Variants in EXTL3 observed in about 807,000 individuals in gnomAD.
EXTL3 encodes exostosin like glycosyltransferase 3.
A neutral mutation model predicts 69.3 loss-of-function variants in EXTL3; 27 were observed. That is an observed-to-expected ratio of 0.39 (90% CI 0.29 to 0.54). The LOEUF (loss-of-function observed/expected upper bound fraction) is 0.54. Among genes scored for constraint, EXTL3 ranks in the 20% least tolerant of loss-of-function variants. EXTL3 has a pLI of 0.69. For synonymous variants in EXTL3, 511 were observed against 499.4 expected, an observed-to-expected ratio of 1.02 and a Z score of -0.31; for missense variants, 1,003 against 1,231.8, an observed-to-expected ratio of 0.81 and a Z score of 2.78.
upstream of EXTL3, chr8:28,701,072 C>T (rs140341248): frequency 1.3e-5 from 2 of 152,408 alleles, no homozygotes; most frequent in East Asian, 1.9e-4. Context: ...AGGCAGTTGC[C>T]GCGCACGGCG....
chr8:28,731,042 AT>A (rs1801525299), intron 3 of EXTL3, among the ~76,000 whole-genome samples, 180 bp from the exon 4 acceptor site: 1 of 152,220 alleles, frequency 6.6e-6, no homozygotes, highest in Non-Finnish European at 1.5e-5. Flanking sequence ...ATCTATATAC[AT>A]TTATTGAAGT....
chr8:28,750,604 GT>G lies in EXTL3; in HGVS notation c.2551-51del. The stretch of plus-strand genomic sequence containing the variant: ...GTGTGGGATCGGCTCAGCTGCAAGG[GT>G]TCTGTCAGTATTAGCTGGGATTCCC... On this transcript the variant is annotated intron_variant, in intron 6 of 6. Coordinates refer to ENST00000220562, the MANE Select transcript of EXTL3 (RefSeq NM_001440.4). This position sits in a 1 kb window ranked among gnomAD's most constrained non-coding sequence, Gnocchi z 5.2. 1 of 1,447,358 alleles carries G rather than the reference GT, an allele frequency of 6.9e-7. No homozygotes were observed. The highest frequency in any genetic ancestry group is 1.7e-5 in the Admixed American group (1 of 59,734). The allele number at this position is 1,447,358 out of a possible 1,614,324, so 89.7% of individuals were successfully genotyped here. A position where few individuals can be genotyped will look rare whatever the true frequency, so the allele number is the denominator to read the frequency against.
At chr8:28,614,526 G>A (rs1331424067) in intron 2 of EXTL3, among the ~76,000 whole-genome samples, 8 of 151,638 alleles carry the variant, frequency 5.3e-5, no homozygotes, top group Admixed American at 2.0e-4. Flanking sequence ...CACCCGCCTC[G>A]GCCTCCCAAA....
At chr8:28,670,282 G>A (rs1412181326) in intron 1 of EXTL3, among the ~76,000 whole-genome samples, 1 of 151,132 alleles carries the variant, frequency 6.6e-6, no homozygotes, top group African/African-American at 2.4e-5. Flanking sequence ...TTTTAGTGAG[G>A]TAGAAATTAA....
At chr8:28,619,288 A>G (rs1409421965), upstream of EXTL3, among the ~76,000 whole-genome samples, 15 of 67,606 alleles carry the variant, frequency 2.2e-4, no homozygotes, top group African/African-American at 8.7e-4. Context: ...AAAAAAAAAA[A>G]AAAAAAAAAA....
chr8:28,707,682 C>A (rs1397421657), intron 1 of EXTL3, among the ~76,000 whole-genome samples: 1 of 151,980 alleles, frequency 6.6e-6, no homozygotes, highest in Non-Finnish European at 1.5e-5. Flanking sequence ...TGTCAAACTG[C>A]AGGAGTTTTC....
intron 1 of EXTL3, among the ~76,000 whole-genome samples, chr8:28,638,861 C>T (rs1000985329): frequency 1.3e-5 from 2 of 151,854 alleles, no homozygotes; most frequent in Non-Finnish European, 1.5e-5. Flanking sequence ...GAACTCCTGA[C>T]GTCAGGTGAT....
intron 4 of EXTL3, among the ~76,000 whole-genome samples, chr8:28,733,353 G>C (rs1262341578): frequency 1.3e-5 from 2 of 151,868 alleles, no homozygotes; most frequent in Non-Finnish European, 2.9e-5. Context: ...TCATTGTAAA[G>C]TGATAACTAA....
chr8:28,646,226 TTC>T (rs1806828218), intron 1 of EXTL3, among the ~76,000 whole-genome samples: 2 of 152,220 alleles, frequency 1.3e-5, no homozygotes, highest in Non-Finnish European at 2.9e-5. Context: ...TTTTATATAG[TTC>T]TTTTTCCTCA....
At chr8:28,678,942 G>A (rs1235781837) in intron 1 of EXTL3, among the ~76,000 whole-genome samples, 1 of 152,122 alleles carries the variant, frequency 6.6e-6, no homozygotes, top group African/African-American at 2.4e-5. Flanking sequence ...GCAATCCTAG[G>A]CATCAATGGC....
chr8:28,716,014 T>G lies in EXTL3; in HGVS notation c.-46T>G, dbSNP rs765686510. The G allele has an allele frequency of 6.6e-7, 1 of 1,505,542 alleles. No homozygotes were observed. The highest frequency in any genetic ancestry group is 1.4e-5 in the African/African-American group (1 of 73,272). The allele number at this position is 1,505,542 out of a possible 1,614,324, so 93.3% of individuals were successfully genotyped here. On this transcript the variant is annotated 5_prime_UTR_variant, in exon 3 of 7. The change abolishes an upstream ATG in the 5' untranslated region. Transcript: ENST00000220562. The surrounding 1 kb of genome is among the most constrained non-coding windows in gnomAD (Gnocchi z 7.1). Reference sequence around the variant, plus strand: ...TTTGTGGAATAGCAACCCATGGTTATGGCGAGTGACCCGACGTGATCTGGG... The same window carrying G: ...TTTGTGGAATAGCAACCCATGGTTAGGGCGAGTGACCCGACGTGATCTGGG...
At chr8:28,673,502 T>C (rs1807332339) in intron 1 of EXTL3, among the ~76,000 whole-genome samples, 2 of 152,152 alleles carry the variant, frequency 1.3e-5, no homozygotes, top group African/African-American at 4.8e-5. Context: ...CAGACTGGGA[T>C]TTACACACCG....
At chr8:28,645,576 T>A (rs1330446182) in intron 1 of EXTL3, among the ~76,000 whole-genome samples, 1 of 152,214 alleles carries the variant, frequency 6.6e-6, no homozygotes, top group East Asian at 1.9e-4. Context: ...ATGCTGGTAA[T>A]GAAATTAAAT....
chr8:28,662,564 A>G (rs1807133089), intron 1 of EXTL3, among the ~76,000 whole-genome samples: 1 of 152,070 alleles, frequency 6.6e-6, no homozygotes, highest in South Asian at 2.1e-4. Context: ...TTTGGTTCCT[A>G]CTCACTGCTA....
intron 1 of EXTL3, among the ~76,000 whole-genome samples, chr8:28,703,786 C>A (rs1208205854): frequency 2.6e-5 from 4 of 152,228 alleles, no homozygotes; most frequent in African/African-American, 9.6e-5. Flanking sequence ...AAACTGCCTA[C>A]TCCATTCGCT....
At chr8:28,710,097 T>TAGTATAA (rs1161593825) in intron 1 of EXTL3, among the ~76,000 whole-genome samples, 3 of 151,882 alleles carry the variant, frequency 2.0e-5, no homozygotes, top group Non-Finnish European at 1.5e-5. Flanking sequence ...AATCTCTGTA[T>TAGTATAA]ACAACTATTT....
At chr8:28,615,904 G>A (rs1221871362) in intron 2 of EXTL3, among the ~76,000 whole-genome samples, 2 of 152,000 alleles carry the variant, frequency 1.3e-5, no homozygotes, top group African/African-American at 4.8e-5. Context: ...TGTTAGCATA[G>A]TATGTCTTTC....
intron 1 of EXTL3, among the ~76,000 whole-genome samples, chr8:28,649,754 T>G (rs1806887206): frequency 6.6e-6 from 1 of 152,196 alleles, no homozygotes; most frequent in African/African-American, 2.4e-5. Flanking sequence ...ATAATTTCTT[T>G]GTGGTTTATG....
At chr8:28,668,259 C>CAAAAAAAA (rs71549685) in intron 1 of EXTL3, among the ~76,000 whole-genome samples, 1 of 64,262 alleles carries the variant, frequency 1.6e-5, no homozygotes, top group African/African-American at 4.6e-5. Flanking sequence ...GGTCCTGTCT[C>CAAAAAAAA]AAAAAAAAAA....
Sources: gnomAD v4.1 joint callset for allele counts (sites outside exome capture counted in the v4.1 genomes callset) on GRCh38, gnomAD v4.1.1 for gene constraint, Gnocchi (gnomAD v3.1) non-coding constraint, MANE v1.5 for transcripts, NCBI Gene and HGNC (gene_info 2026-07-23, HGNC 2026-07-21) for gene names.